HNF4A: variants seen among roughly 807,000 people sequenced by gnomAD.
The protein encoded by HNF4A is hepatocyte nuclear factor 4-alpha.
In HNF4A, 15 loss-of-function variants were observed where a neutral mutation model predicts 52.4. The observed-to-expected ratio is 0.29, with a 90% confidence interval of 0.19 to 0.44. The LOEUF (loss-of-function observed/expected upper bound fraction) is 0.44. Ranked by LOEUF, HNF4A falls within the 20% of genes least tolerant of loss-of-function variation. The probability of loss-of-function intolerance (pLI) is 1.00; values close to 1 mark genes in which losing one functional copy is unlikely to be tolerated. For synonymous variants in HNF4A, 280 were observed against 264.4 expected (o/e 1.06, Z -0.57); for missense variants, 479 against 647.2 (o/e 0.74, Z 2.82).
chr20:44,413,823 C>T (rs1437600529), intron 4 of HNF4A, 23 bp downstream of exon 4: 2 of 1,503,196 alleles, frequency 1.3e-6, no homozygotes, highest in Non-Finnish European at 1.8e-6. Flanking sequence ...TCCTGCCACC[C>T]ACCCAGGGAT....
At position 44,432,709 on chromosome 20, in the gene HNF4A, T is replaced by C. The variant is rs927636804; in HGVS notation, c.*3044T>C. On this transcript the variant is annotated 3_prime_UTR_variant, in exon 10 of 10. Transcript: ENST00000316099. Reference sequence around the variant, plus strand: ...ACCCACATCTTTCTGTGGGTGTGAATGTCATTAGGTCTTGCGCTGACCCCT... The same window carrying C: ...ACCCACATCTTTCTGTGGGTGTGAACGTCATTAGGTCTTGCGCTGACCCCT... 1.8e-4 allele frequency: 27 copies of C among 152,150 alleles called. No homozygotes were observed. Among genetic ancestry groups the C allele is most frequent in the African/African-American group, 6.3e-4 (26 of 41,422 alleles). 9.4% of individuals were successfully genotyped at this position (152,150 alleles called of 1,614,324 possible).
At chr20:44,360,154 G>A (rs1023180968) in intron 1 of HNF4A, among the ~76,000 whole-genome samples, 1 of 152,164 alleles carries the variant, frequency 6.6e-6, no homozygotes, top group African/African-American at 2.4e-5. Flanking sequence ...GACCTTGATT[G>A]AAGATTAATT....
At chr20:44,366,396 G>A (rs759432691) in intron 1 of HNF4A, among the ~76,000 whole-genome samples, 7 of 152,096 alleles carry the variant, frequency 4.6e-5, no homozygotes, top group African/African-American at 7.2e-5. Flanking sequence ...CAAGGTGGGC[G>A]GATCACTTGA....
chr20:44,420,608 C>T lies in HNF4A; in HGVS notation c.892+732C>T, dbSNP rs114565911. On this transcript the variant is annotated intron_variant, in intron 7 of 9. Coordinates refer to ENST00000316099, the MANE Select transcript of HNF4A (RefSeq NM_000457.6). ...CAGCCTGGCCAACATAACAAGACCTCGTCTCTATAGAAACTAAAAAAAATT... is the reference window on the plus strand; with the variant it reads ...CAGCCTGGCCAACATAACAAGACCTTGTCTCTATAGAAACTAAAAAAAATT... Among the ~76,000 whole-genome samples, 1,064 of 152,136 alleles carry T rather than the reference C, an allele frequency of 7.0e-3. 8 individuals are homozygous for T. Among genetic ancestry groups the T allele is most frequent in the African/African-American group, 0.022 (931 of 41,512 alleles).
chr20:44,378,470 G>A (rs996481189), intron 1 of HNF4A, among the ~76,000 whole-genome samples: 1 of 152,014 alleles, frequency 6.6e-6, no homozygotes, highest in African/African-American at 2.4e-5. Context: ...GTTTCACTAT[G>A]TTGCCCAGGC....
At chr20:44,424,324 G>A (rs1399829259) in intron 8 of HNF4A, 70 bp downstream of exon 8, 1 of 1,593,560 alleles carries the variant, frequency 6.3e-7, no homozygotes, top group East Asian at 2.3e-5. Context: ...CACACAGTGA[G>A]CTCACCCCTC....
chr20:44,390,852 G>A (rs2063294487), intron 1 of HNF4A, among the ~76,000 whole-genome samples: 2 of 152,114 alleles, frequency 1.3e-5, no homozygotes, highest in Non-Finnish European at 2.9e-5. Context: ...AATCAGAGAA[G>A]GAGAATCCAG....
At position 44,406,167 on chromosome 20, in the gene HNF4A, G is replaced by C. The variant is rs774781031; in HGVS notation, c.225G>C (p.Ser75=). The C allele has an allele frequency of 6.2e-7, 1 of 1,613,958 alleles. No individual in the cohort carries two copies. The highest frequency in any genetic ancestry group is 8.5e-7 in the Non-Finnish European group (1 of 1,180,026). ...CCACGGGCAAACACTACGGTGCCTC[G>C]AGCTGTGACGGCTGCAAGGGCTTCT... is the stretch of plus-strand genomic sequence containing the variant. Residue 75 remains serine (S), a synonymous_variant, in exon 2 of 10, where the codon TCG becomes TCC. Coordinates refer to ENST00000316099, the MANE Select transcript of HNF4A (RefSeq NM_000457.6).
chr20:44,393,141 G>A (rs927253126), intron 1 of HNF4A, among the ~76,000 whole-genome samples: 19 of 152,188 alleles, frequency 1.2e-4, no homozygotes, highest in African/African-American at 4.6e-4. Flanking sequence ...GGTCAGGCAG[G>A]GGCTCCCATC....
intron 1 of HNF4A, among the ~76,000 whole-genome samples, chr20:44,363,978 C>T (rs1254836155): frequency 6.6e-6 from 1 of 152,138 alleles, no homozygotes; most frequent in Non-Finnish European, 1.5e-5. Flanking sequence ...GTGTAAGCCA[C>T]AGCACCCAGC....
At chr20:44,359,853 G>T (rs1481316271) in intron 1 of HNF4A, among the ~76,000 whole-genome samples, 2 of 152,152 alleles carry the variant, frequency 1.3e-5, no homozygotes, top group Non-Finnish European at 2.9e-5. Context: ...TGTGACTCTT[G>T]TGTTGTTCTG....
In HNF4A at chr20:44,432,471, C is replaced by G. The variant is rs2063890356; in HGVS notation, c.*2806C>G. ...AATTTCCCCACCAAGACACCCTGAT[C>G]TTCAGGCGGGTCTCAGGAGCTTCTA... On this transcript the variant is annotated 3_prime_UTR_variant, in exon 10 of 10. Coordinates refer to ENST00000316099, the MANE Select transcript of HNF4A (RefSeq NM_000457.6). 6.8e-6 allele frequency: 1 copy of G among 146,324 alleles called. No homozygotes were observed. Among genetic ancestry groups the G allele is most frequent in the Non-Finnish European group, 1.5e-5 (1 of 67,308 alleles). 9.1% of individuals were successfully genotyped at this position (146,324 alleles called of 1,614,324 possible).
intron 5 of HNF4A, among the ~76,000 whole-genome samples, chr20:44,417,960 C>G (rs1382589729): frequency 6.9e-6 from 1 of 145,900 alleles, no homozygotes; most frequent in East Asian, 2.0e-4. Context: ...CAGAGTGAGA[C>G]TCTGTCTCAA....
upstream of HNF4A, among the ~76,000 whole-genome samples, chr20:44,400,916 G>A (rs1467214695): frequency 6.6e-6 from 1 of 152,150 alleles, no homozygotes; most frequent in East Asian, 1.9e-4. Flanking sequence ...GGATCTCGGA[G>A]GTAGGCTGTC....
At chr20:44,396,109 G>A (rs1038115352) in intron 1 of HNF4A, among the ~76,000 whole-genome samples, 8 of 152,250 alleles carry the variant, frequency 5.3e-5, no homozygotes, top group East Asian at 3.9e-4. Context: ...CAGGCAATGC[G>A]TAGAGGGGTG....
chr20:44,381,621 T>G (rs2063155074), intron 1 of HNF4A, among the ~76,000 whole-genome samples: 1 of 151,678 alleles, frequency 6.6e-6, no homozygotes, highest in Admixed American at 6.6e-5. Context: ...CTTTGTTGCC[T>G]TTTTTTTGAG....
Position 44,428,342 on chromosome 20 carries a change from C to T in HNF4A, c.1137C>T (p.Pro379=). 1 of 1,614,102 alleles carries T rather than the reference C, an allele frequency of 6.2e-7. No individual in the cohort carries two copies. The highest frequency in any genetic ancestry group is 8.5e-7 in the Non-Finnish European group (1 of 1,180,028). Residue 379 remains proline, a synonymous_variant, in exon 9 of 10, where the codon CCC becomes CCT. Transcript: ENST00000316099. ...GACCTTCTCTACCTGCAGGGTCCCC[C>T]AGCGATGCACCCCATGCCCACCACC...
intron 1 of HNF4A, among the ~76,000 whole-genome samples, chr20:44,370,204 T>G (rs1167958289): frequency 6.6e-6 from 1 of 152,146 alleles, no homozygotes. Context: ...ATTTTTTGTA[T>G]TTTTAGTAGA....
intron 1 of HNF4A, chr20:44,377,858 A>C (rs541272762): frequency 1.3e-5 from 2 of 152,108 alleles, no homozygotes; most frequent in African/African-American, 4.8e-5. Flanking sequence ...ACTATCTCAG[A>C]TGATGCTCCA....
Sources: allele counts gnomAD v4.1 joint callset (sites outside exome capture counted in the v4.1 genomes callset), GRCh38; gene constraint gnomAD v4.1.1; transcripts MANE v1.5; gene names NCBI Gene and HGNC (gene_info 2026-07-23, HGNC 2026-07-21).